The following ADPRHL1 variants were observed in gnomAD, a reference collection of about 807,000 sequenced individuals.
ADPRHL1 encodes the protein ADP-ribosylhydrolase like 1.
In ADPRHL1, 43 loss-of-function variants were observed where a neutral mutation model predicts 44.1. The observed-to-expected ratio is 0.98, with a 90% CI of 0.76 to 1.26. ADPRHL1 has a LOEUF of 1.26. ADPRHL1 is among the 50% of genes most tolerant of loss of function. ADPRHL1 has a pLI of 0.00. For synonymous variants in ADPRHL1, 878 were observed against 1,017.4 expected (o/e 0.86, Z 2.61); for missense variants, 2,022 against 2,496.9 (o/e 0.81, Z 4.05).
rs982229415 is a variant in ADPRHL1 at position 113,406,345 on chromosome 13, G to C, written c.2937C>G (p.Thr979=). ...GATGCTTCACATCTCTGAGCTCAGA[G>C]GTCCTCTCTCCTGAAATATCGTCAG... is the stretch of plus-strand genomic sequence containing the variant. ...RNPDDISGER[T]SELRDVKHPL... The change falls in exon 8 of 8, where the codon ACC becomes ACG. Residue 979 remains threonine (T), a synonymous_variant. Coordinates refer to ENST00000612156, the MANE Select transcript of ADPRHL1 (RefSeq NM_001394807.1). 4 of 1,232,112 alleles carry C rather than the reference G, an allele frequency of 3.2e-6. No individual in the cohort carries two copies. Among genetic ancestry groups the C allele is most frequent in the Non-Finnish European group, 4.0e-6 (4 of 987,980 alleles). 76.3% of individuals were successfully genotyped at this position (1,232,112 alleles called of 1,614,324 possible).
At chr13:113,436,842 C>T (rs1460279643) in intron 2 of ADPRHL1, among the ~76,000 whole-genome samples, 3 of 121,248 alleles carry the variant, frequency 2.5e-5, no homozygotes, top group Non-Finnish European at 3.5e-5. Flanking sequence ...GCAGGGTGAA[C>T]ATAGGTGTAC....
chr13:113,434,668 C>T (rs1194142487), intron 2 of ADPRHL1, among the ~76,000 whole-genome samples: 1 of 145,944 alleles, frequency 6.9e-6, no homozygotes, highest in Admixed American at 6.8e-5. Flanking sequence ...CACAGGTGTA[C>T]CCCGGGACCC....
At chr13:113,411,109 G>A (rs989521165) in intron 7 of ADPRHL1, among the ~76,000 whole-genome samples, 10 of 152,198 alleles carry the variant, frequency 6.6e-5, no homozygotes, top group Admixed American at 1.3e-4. Context: ...CACGTGTGAC[G>A]TCAATCCGCC....
At chr13:113,434,379 G>C (rs2044031331) in intron 2 of ADPRHL1, among the ~76,000 whole-genome samples, 1 of 150,088 alleles carries the variant, frequency 6.7e-6, no homozygotes, top group East Asian at 2.0e-4. Flanking sequence ...GTGTACCCTG[G>C]GACCCAGCAC....
chr13:113,450,826 A>G (rs1409740585), intron 1 of ADPRHL1, among the ~76,000 whole-genome samples: 3 of 152,196 alleles, frequency 2.0e-5, no homozygotes, highest in Admixed American at 6.5e-5. Context: ...GAGTGTGACC[A>G]CTGAAGCACA....
At chr13:113,416,988 G>A (rs1034244829) in intron 7 of ADPRHL1, among the ~76,000 whole-genome samples, 5 of 152,250 alleles carry the variant, frequency 3.3e-5, no homozygotes, top group Admixed American at 2.0e-4. Flanking sequence ...GCAAAGGGGC[G>A]TGGGAGTTGT....
At chr13:113,411,041 GCTGA>G (rs1441682998) in intron 7 of ADPRHL1, among the ~76,000 whole-genome samples, 2 of 152,214 alleles carry the variant, frequency 1.3e-5, no homozygotes, top group African/African-American at 4.8e-5. Flanking sequence ...ACTGAACCAT[GCTGA>G]CTGCTTGTGG....
At chr13:113,449,456 G>A (rs897521198) in intron 1 of ADPRHL1, among the ~76,000 whole-genome samples, 22 of 151,148 alleles carry the variant, frequency 1.5e-4, no homozygotes, top group Non-Finnish European at 2.7e-4. Flanking sequence ...CCCGTTCAGA[G>A]AGACACACCC....
chr13:113,439,425 G>T (rs1275195257), intron 2 of ADPRHL1, among the ~76,000 whole-genome samples: 1 of 150,202 alleles, frequency 6.7e-6, no homozygotes, highest in East Asian at 2.0e-4. Context: ...GCCCAGCCTG[G>T]GCCTACAGTT....
At chr13:113,421,065 C>G (rs1278889762) in intron 7 of ADPRHL1, among the ~76,000 whole-genome samples, 3 of 143,206 alleles carry the variant, frequency 2.1e-5, no homozygotes, top group African/African-American at 7.8e-5. Context: ...ACATCCCTAC[C>G]CCCAGGACAT....
intron 5 of ADPRHL1, among the ~76,000 whole-genome samples, chr13:113,424,744 G>A (rs577068392): frequency 6.3e-4 from 25 of 39,906 alleles, no homozygotes; most frequent in African/African-American, 2.3e-3. Context: ...ATTCACCCAC[G>A]CTTCTACCTA....
chr13:113,443,423 C>T (rs1325545396), intron 2 of ADPRHL1, among the ~76,000 whole-genome samples: 1 of 150,082 alleles, frequency 6.7e-6, no homozygotes, highest in Non-Finnish European at 1.5e-5. Flanking sequence ...GCCTGGGCAA[C>T]ATGGTGAAAC....
intron 2 of ADPRHL1, among the ~76,000 whole-genome samples, chr13:113,437,498 T>C (rs1179743779): frequency 6.6e-6 from 1 of 152,196 alleles, no homozygotes; most frequent in Admixed American, 6.5e-5. Flanking sequence ...CAAGCCCCAC[T>C]GCTGCGACCG....
At chr13:113,412,463 C>G (rs576344757) in intron 7 of ADPRHL1, among the ~76,000 whole-genome samples, 1 of 152,376 alleles carries the variant, frequency 6.6e-6, no homozygotes, top group East Asian at 1.9e-4. Flanking sequence ...CAGGCGTGAG[C>G]CACCGCGCCC....
At chr13:113,436,428 TGTACCCCGGGACCCG>T (rs2044057727) in intron 2 of ADPRHL1, among the ~76,000 whole-genome samples, 1 of 6,010 alleles carries the variant, frequency 1.7e-4, no homozygotes, top group Non-Finnish European at 4.2e-4. Flanking sequence ...TGAACATAGG[TGTACCCCGGGACCCG>T]GCACCCAGGT....
rs765555324 is a variant in ADPRHL1 at position 113,453,184 on chromosome 13, C to T, written c.214+40G>A. ...GGGAGAACTCGAGCAGCCAGTGTTC[C>T]CTCCAGCCCGCACACCGGAGCGCGG... On this transcript the variant is annotated intron_variant, in intron 1 of 7. Coordinates refer to ENST00000612156, the MANE Select transcript of ADPRHL1 (RefSeq NM_001394807.1). The surrounding 1 kb of genome is among the most constrained non-coding windows in gnomAD (Gnocchi z 5.4). 1 of 1,607,680 alleles carries T rather than the reference C, an allele frequency of 6.2e-7. No homozygotes were observed.
chr13:113,451,095 T>G (rs541715592), intron 1 of ADPRHL1, among the ~76,000 whole-genome samples: 281 of 152,352 alleles, frequency 1.8e-3, no homozygotes, highest in African/African-American at 5.6e-3. Context: ...CTGGTGGCCC[T>G]GTCCGGGCAT....
At chr13:113,438,454 G>A (rs1274425106) in intron 2 of ADPRHL1, among the ~76,000 whole-genome samples, 1 of 152,110 alleles carries the variant, frequency 6.6e-6, no homozygotes, top group East Asian at 1.9e-4. Flanking sequence ...AGCACTTTGG[G>A]AGGCCAAGGC....
At chr13:113,413,975 T>C (rs2043873969) in intron 7 of ADPRHL1, among the ~76,000 whole-genome samples, 1 of 152,224 alleles carries the variant, frequency 6.6e-6, no homozygotes, top group South Asian at 2.1e-4. Context: ...GGGCCCACCA[T>C]GATATGGACA....
Sources: gnomAD v4.1 joint callset for allele counts (sites outside exome capture counted in the v4.1 genomes callset) on GRCh38, gnomAD v4.1.1 for gene constraint, Gnocchi (gnomAD v3.1) non-coding constraint, MANE v1.5 for transcripts, NCBI Gene and HGNC (gene_info 2026-07-23, HGNC 2026-07-21) for gene names.